The following SHQ1 variants were observed in gnomAD, a reference collection of about 807,000 sequenced individuals.
The protein encoded by SHQ1 is SHQ1, H/ACA ribonucleoprotein assembly factor.
In SHQ1, 49 loss-of-function variants were observed where a neutral mutation model predicts 53.8. The ratio of observed to expected loss-of-function variants is 0.91; its 90% CI spans 0.72 to 1.16. The LOEUF (loss-of-function observed/expected upper bound fraction) is 1.16, where lower values mean the gene tolerates loss of function less well. Among genes scored for constraint, SHQ1 ranks in the 50% most tolerant of loss-of-function variants. SHQ1 has a pLI of 0.00. For missense variants in SHQ1, 738 were observed against 683.1 expected (o/e 1.08, Z -0.90); for synonymous variants, 243 against 251.0 (o/e 0.97, Z 0.30).
chr3:72,822,076 A>C (rs957653755), intron 6 of SHQ1, among the ~76,000 whole-genome samples: 1 of 152,234 alleles, frequency 6.6e-6, no homozygotes, highest in Non-Finnish European at 1.5e-5. Context: ...CAATCTCAGG[A>C]CAACTCTGAG....
intron 10 of SHQ1, among the ~76,000 whole-genome samples, chr3:72,755,041 C>A (rs1033876933): frequency 2.6e-5 from 4 of 152,140 alleles, no homozygotes; most frequent in African/African-American, 9.7e-5. Context: ...AGAATCCTGG[C>A]TCTTCTCAGA....
At chr3:72,771,075 A>C (rs1705838848) in intron 10 of SHQ1, among the ~76,000 whole-genome samples, 1 of 152,182 alleles carries the variant, frequency 6.6e-6, no homozygotes, top group Non-Finnish European at 1.5e-5. Context: ...TTCAACCTGA[A>C]GGAAGGTATC....
chr3:72,802,271 T>C (rs1201018336), intron 9 of SHQ1, among the ~76,000 whole-genome samples: 1 of 152,214 alleles, frequency 6.6e-6, no homozygotes, highest in Non-Finnish European at 1.5e-5. Flanking sequence ...GTTCAGACCA[T>C]ACTGTCTGTC....
intron 9 of SHQ1, chr3:72,794,998 G>A (rs529532189): frequency 5.9e-5 from 9 of 152,304 alleles, no homozygotes; most frequent in East Asian, 1.9e-4. Context: ...CAATCTTAAT[G>A]GCTCCAGAGG....
chr3:72,823,736 A>G (rs1227564840), intron 6 of SHQ1, among the ~76,000 whole-genome samples: 1 of 152,252 alleles, frequency 6.6e-6, no homozygotes, highest in Non-Finnish European at 1.5e-5. Flanking sequence ...TTTTTAAAAT[A>G]TCCCCAAAAT....
intron 1 of SHQ1, among the ~76,000 whole-genome samples, chr3:72,847,809 G>A (rs763915551): frequency 6.6e-6 from 1 of 152,138 alleles, no homozygotes; most frequent in Non-Finnish European, 1.5e-5. Flanking sequence ...GGGAAGTCAC[G>A]GAGATGTCAG....
chr3:72,793,736 A>C (rs1387675158), intron 9 of SHQ1: 3 of 152,186 alleles, frequency 2.0e-5, no homozygotes, highest in African/African-American at 7.2e-5. Flanking sequence ...CTAAATTTCA[A>C]ACTTCTTTAT....
At chr3:72,771,248 A>C (rs915295736) in intron 10 of SHQ1, among the ~76,000 whole-genome samples, 1 of 152,216 alleles carries the variant, frequency 6.6e-6, no homozygotes, top group African/African-American at 2.4e-5. Context: ...TGCTCCAAAA[A>C]ATGACTGCTC....
chr3:72,765,530 C>CATATATATATATAT (rs10551107), intron 10 of SHQ1, among the ~76,000 whole-genome samples: 5 of 83,508 alleles, frequency 6.0e-5, no homozygotes, highest in African/African-American at 2.5e-4. Flanking sequence ...ATTCACATGA[C>CATATATATATATAT]ATATATATAT....
intron 10 of SHQ1, among the ~76,000 whole-genome samples, chr3:72,787,299 C>G (rs559252873): frequency 5.3e-5 from 8 of 152,112 alleles, no homozygotes; most frequent in African/African-American, 1.7e-4. Flanking sequence ...TTCCCCAGAA[C>G]TACCTACTTA....
intron 10 of SHQ1, chr3:72,773,258 A>AGAAAT: frequency 1.5e-6 from 1 of 676,098 alleles, no homozygotes. Context: ...AGAATGAGAA[A>AGAAAT]GAGACAAGAA....
At chr3:72,811,134 C>T (rs561079693) in intron 9 of SHQ1, among the ~76,000 whole-genome samples, 12 of 152,254 alleles carry the variant, frequency 7.9e-5, no homozygotes, top group African/African-American at 2.6e-4. Context: ...AACTAGATTA[C>T]TTCCCAGAAT....
intron 10 of SHQ1, among the ~76,000 whole-genome samples, chr3:72,790,051 T>C (rs1706388352): frequency 6.6e-6 from 1 of 152,182 alleles, no homozygotes; most frequent in Non-Finnish European, 1.5e-5. Context: ...GAACATTTGC[T>C]GTAGTGAGCA....
the SHQ1 span, among the ~76,000 whole-genome samples, chr3:72,728,654 G>A: frequency 2.0e-5 from 3 of 152,330 alleles, no homozygotes; most frequent in Admixed American, 6.5e-5. Flanking sequence ...CTTCCTTGCC[G>A]TGTGACTTGG....
the SHQ1 span, among the ~76,000 whole-genome samples, chr3:72,735,750 A>AAGGAAGGAAGGC: frequency 9.6e-4 from 118 of 122,580 alleles, no homozygotes; most frequent in African/African-American, 3.1e-3. Flanking sequence ...GGAAGGAAGG[A>AAGGAAGGAAGGC]AGGCAGGCAG....
At chr3:72,735,426 A>G in the SHQ1 span, among the ~76,000 whole-genome samples, 6 of 141,860 alleles carry the variant, frequency 4.2e-5, no homozygotes, top group East Asian at 1.2e-3. Flanking sequence ...GTAGTGGCCC[A>G]GACTGGGACT....
chr3:72,794,252 A>G (rs540903303), intron 9 of SHQ1: 23 of 152,342 alleles, frequency 1.5e-4, no homozygotes, highest in African/African-American at 5.5e-4. Context: ...GAGCTAGATG[A>G]TGACATCTCA....
At chr3:72,799,098 G>A (rs915589756) in intron 9 of SHQ1, among the ~76,000 whole-genome samples, 2 of 151,950 alleles carry the variant, frequency 1.3e-5, no homozygotes, top group African/African-American at 2.4e-5. Context: ...CAATACAGGA[G>A]GATCACTTGA....
chr3:72,815,890 C>A (rs1434896209), intron 7 of SHQ1, among the ~76,000 whole-genome samples: 1 of 152,186 alleles, frequency 6.6e-6, no homozygotes, highest in African/African-American at 2.4e-5. Context: ...TGTAAGACTT[C>A]ATGATTTCAA....
Sources: allele counts gnomAD v4.1 joint callset (sites outside exome capture counted in the v4.1 genomes callset), GRCh38; gene constraint gnomAD v4.1.1; transcripts MANE v1.5; gene names NCBI Gene and HGNC (gene_info 2026-07-23, HGNC 2026-07-21).